Variants in RALYL observed in about 807,000 individuals in gnomAD.
RALYL encodes RNA-binding Raly-like protein.
Under a neutral mutation model 35.1 loss-of-function variants are expected in RALYL, and 29 were observed. The observed-to-expected ratio is 0.83, with a 90% CI of 0.61 to 1.13. The LOEUF is 1.13. RALYL is among the 50% of genes most tolerant of loss of function. The pLI is 0.00. For missense variants in RALYL, 359 were observed against 360.4 expected, an observed-to-expected ratio of 1.00 and a Z score of 0.03; for synonymous variants, 120 against 127.6, an observed-to-expected ratio of 0.94 and a Z score of 0.40.
At chr8:84,354,061 A>G (rs996730666) in intron 1 of RALYL, among the ~76,000 whole-genome samples, 2 of 126,176 alleles carry the variant, frequency 1.6e-5, no homozygotes, top group Admixed American at 1.7e-4. Flanking sequence ...TTTTTAAAAA[A>G]TAGATTTTTT....
chr8:84,217,358 A>G (rs1253589014), intron 1 of RALYL, among the ~76,000 whole-genome samples: 2 of 152,142 alleles, frequency 1.3e-5, no homozygotes, highest in Non-Finnish European at 2.9e-5. Flanking sequence ...ATACATATTA[A>G]AATGAATTTT....
intron 1 of RALYL, among the ~76,000 whole-genome samples, chr8:84,481,812 C>T (rs1020796706): frequency 3.3e-5 from 5 of 151,574 alleles, no homozygotes; most frequent in African/African-American, 1.2e-4. Context: ...GTCTGAAGGC[C>T]AAGGATGAGA....
At chr8:84,292,441 C>A (rs1168397899) in intron 1 of RALYL, among the ~76,000 whole-genome samples, 6 of 152,058 alleles carry the variant, frequency 3.9e-5, no homozygotes, top group Non-Finnish European at 5.9e-5. Context: ...GGCGTGTGAA[C>A]CAGAGCAACT....
At chr8:84,245,626 T>C (rs1296899948) in intron 1 of RALYL, among the ~76,000 whole-genome samples, 1 of 152,194 alleles carries the variant, frequency 6.6e-6, no homozygotes, top group Non-Finnish European at 1.5e-5. Context: ...ATATGACTTA[T>C]CACATCTAAG....
At position 84,821,436 on chromosome 8, in the gene RALYL, CTGAG is replaced by C. The variant is rs1391447341; in HGVS notation, c.365+16636_365+16639del. Among the ~76,000 whole-genome samples the C allele has an allele frequency of 2.0e-5, 3 of 152,154 alleles. No homozygotes were observed. In the East Asian group the frequency reaches 5.8e-4, roughly 29 times the overall value. On this transcript the variant is annotated intron_variant, in intron 4 of 8. Coordinates refer to ENST00000521268, the MANE Select transcript of RALYL (RefSeq NM_173848.7). ...GTATCTTAACACCTCATGTTTTCTT[CTGAG>C]TTTCATCTGCACTTGAATGTCTAAA...
At chr8:84,576,239 TGTTA>T (rs1328528107) in intron 2 of RALYL, among the ~76,000 whole-genome samples, 2 of 152,242 alleles carry the variant, frequency 1.3e-5, no homozygotes, top group Non-Finnish European at 2.9e-5. Flanking sequence ...GAAATTTTTA[TGTTA>T]GTTTCTTTAT....
intron 2 of RALYL, among the ~76,000 whole-genome samples, chr8:84,536,364 A>T (rs948640914): frequency 5.3e-5 from 8 of 152,256 alleles, no homozygotes; most frequent in Admixed American, 5.2e-4. Context: ...AGACAAATAC[A>T]GAATTGTAGT....
At chr8:84,917,261 G>A (rs1336855537) in intron 8 of RALYL, among the ~76,000 whole-genome samples, 5 of 151,846 alleles carry the variant, frequency 3.3e-5, no homozygotes, top group Admixed American at 2.6e-4. Flanking sequence ...GAGAATTACT[G>A]AGCAGAACAA....
At chr8:84,364,292 C>G (rs1853740073) in intron 1 of RALYL, among the ~76,000 whole-genome samples, 1 of 152,088 alleles carries the variant, frequency 6.6e-6, no homozygotes, top group African/African-American at 2.4e-5. Flanking sequence ...TGGTATAATT[C>G]TATTAAGGAA....
intron 1 of RALYL, among the ~76,000 whole-genome samples, chr8:84,499,186 C>T (rs952562486): frequency 1.3e-5 from 2 of 151,340 alleles, no homozygotes; most frequent in Admixed American, 6.6e-5. Flanking sequence ...TTCTAGGGCA[C>T]GCATCATTCA....
At chr8:84,346,160 C>A in intron 1 of RALYL, 1 of 640,748 alleles carries the variant, frequency 1.6e-6, no homozygotes, top group Non-Finnish European at 1.9e-6. Flanking sequence ...AGTAAGTGTT[C>A]AACAAATGTT....
chr8:84,684,890 A>C (rs1751078596), intron 2 of RALYL, among the ~76,000 whole-genome samples: 1 of 152,184 alleles, frequency 6.6e-6, no homozygotes. Context: ...TTTTTTGCAC[A>C]GTTTAGGAGG....
Position 84,256,849 on chromosome 8 carries a change from T to C in RALYL, c.-24+72425T>C, listed in dbSNP as rs113934671. 4.0e-4 allele frequency among the ~76,000 whole-genome samples: 61 copies of C among 152,194 alleles called. 1 individual carries two copies. Among genetic ancestry groups the C allele is most frequent in the African/African-American group, 1.4e-3 (60 of 41,542 alleles). The stretch of plus-strand genomic sequence containing the variant: ...TTACCCAGACAGGTGAATGCAAGCA[T>C]AAGAATTGAATCGGGCTTCTGTCCC... On this transcript the variant is annotated intron_variant, in intron 1 of 8. Coordinates refer to ENST00000521268, the MANE Select transcript of RALYL (RefSeq NM_173848.7).
chr8:84,657,085 T>G (rs1221321438), intron 2 of RALYL, among the ~76,000 whole-genome samples: 3 of 152,218 alleles, frequency 2.0e-5, no homozygotes, highest in Non-Finnish European at 4.4e-5. Context: ...TGTTTTCATT[T>G]TACTTTTAAA....
chr8:84,650,526 C>T (rs1828532611), intron 2 of RALYL, among the ~76,000 whole-genome samples: 1 of 151,956 alleles, frequency 6.6e-6, no homozygotes. Context: ...AATGAGATAC[C>T]ATCTCACACC....
intron 1 of RALYL, among the ~76,000 whole-genome samples, chr8:84,459,153 A>G (rs1469008039): frequency 6.6e-6 from 1 of 151,832 alleles, no homozygotes; most frequent in Admixed American, 6.6e-5. Context: ...AACTAATGGA[A>G]CAGATGTCAA....
intron 1 of RALYL, among the ~76,000 whole-genome samples, chr8:84,245,531 A>G (rs1442730435): frequency 6.6e-6 from 1 of 152,164 alleles, no homozygotes; most frequent in South Asian, 2.1e-4. Context: ...AAATGCTTGA[A>G]AGGAGCAAAT....
At chr8:84,589,296 T>C (rs1448402138) in intron 2 of RALYL, among the ~76,000 whole-genome samples, 1 of 152,226 alleles carries the variant, frequency 6.6e-6, no homozygotes, top group Non-Finnish European at 1.5e-5. Flanking sequence ...CTTAAACATA[T>C]GGATAGGAGA....
upstream of RALYL, chr8:84,183,170 C>CCCAACCCCGCTCGGCT (rs1319623876): frequency 1.9e-5 from 3 of 157,330 alleles, no homozygotes; most frequent in African/African-American, 7.2e-5. Flanking sequence ...GCGCCTCGGG[C>CCCAACCCCGCTCGGCT]CCAACCCCGC....
Sources: allele counts gnomAD v4.1 joint callset (sites outside exome capture counted in the v4.1 genomes callset), GRCh38; gene constraint gnomAD v4.1.1; transcripts MANE v1.5; gene names NCBI Gene and HGNC (gene_info 2026-07-23, HGNC 2026-07-21).